TMEM117: variants seen among roughly 807,000 people sequenced by gnomAD.
TMEM117 encodes transmembrane protein 117.
TMEM117 carries 27 observed loss-of-function variants against 52.4 expected under a neutral mutation model. The ratio of observed to expected loss-of-function variants is 0.51; its 90% CI spans 0.38 to 0.71. TMEM117 has a LOEUF of 0.71. Ranked by LOEUF, TMEM117 falls within the 30% of genes least tolerant of loss-of-function variation. The pLI is 0.00. For synonymous variants in TMEM117, 215 were observed against 206.3 expected, an observed-to-expected ratio of 1.04 and a Z score of -0.36; for missense variants, 556 against 630.5, an observed-to-expected ratio of 0.88 and a Z score of 1.26.
At chr12:44,077,877 A>G (rs1947406969) in intron 3 of TMEM117, among the ~76,000 whole-genome samples, 1 of 152,116 alleles carries the variant, frequency 6.6e-6, no homozygotes, top group South Asian at 2.1e-4. Flanking sequence ...TTTCTTATTT[A>G]TAGAAAATAT....
At chr12:44,326,257 T>C (rs575794217) in intron 6 of TMEM117, among the ~76,000 whole-genome samples, 1 of 152,338 alleles carries the variant, frequency 6.6e-6, no homozygotes, top group South Asian at 2.1e-4. Flanking sequence ...CCCAAATATG[T>C]TATTAATGCA....
chr12:44,230,657 C>T (rs1949920544), intron 5 of TMEM117, among the ~76,000 whole-genome samples: 1 of 151,942 alleles, frequency 6.6e-6, no homozygotes, highest in Admixed American at 6.6e-5. Flanking sequence ...TATTTTGGTA[C>T]TTCCCTATTT....
intron 5 of TMEM117, among the ~76,000 whole-genome samples, chr12:44,265,701 G>A (rs1950369710): frequency 6.6e-6 from 1 of 152,022 alleles, no homozygotes; most frequent in African/African-American, 2.4e-5. Context: ...CTCTGATTCT[G>A]AAACATTTTC....
intron 3 of TMEM117, among the ~76,000 whole-genome samples, chr12:44,117,390 G>A (rs998104951): frequency 6.6e-6 from 1 of 151,624 alleles, no homozygotes; most frequent in African/African-American, 2.4e-5. Flanking sequence ...TGTTGCAGTT[G>A]TCCTCTTTGA....
chr12:44,006,291 T>A (rs890844621), intron 3 of TMEM117, among the ~76,000 whole-genome samples: 1 of 152,334 alleles, frequency 6.6e-6, no homozygotes, highest in South Asian at 2.1e-4. Flanking sequence ...AAGGGAGATA[T>A]GAAGTGCTTG....
chr12:43,869,945 C>T (rs1943675037), intron 2 of TMEM117, among the ~76,000 whole-genome samples: 1 of 152,108 alleles, frequency 6.6e-6, no homozygotes, highest in African/African-American at 2.4e-5. Context: ...CTACAGGCCC[C>T]AGTGTGTGTT....
chr12:44,128,948 C>T (rs112929995), intron 3 of TMEM117, among the ~76,000 whole-genome samples: 8 of 152,136 alleles, frequency 5.3e-5, no homozygotes, highest in Non-Finnish European at 1.0e-4. Context: ...GATGCTTTGC[C>T]CAGTCCTATG....
intron 5 of TMEM117, chr12:44,248,791 C>G (rs1478157907): frequency 5.8e-6 from 1 of 172,542 alleles, no homozygotes; most frequent in Non-Finnish European, 1.3e-5. Flanking sequence ...TTGATGACTG[C>G]CATATCTTTG....
intron 2 of TMEM117, among the ~76,000 whole-genome samples, chr12:43,916,288 C>A (rs1259041947): frequency 6.6e-6 from 1 of 152,016 alleles, no homozygotes; most frequent in African/African-American, 2.4e-5. Flanking sequence ...AATTATTAAA[C>A]TAAAACAAGA....
At chr12:43,872,618 G>A (rs117058631) in intron 2 of TMEM117, among the ~76,000 whole-genome samples, 1,739 of 152,216 alleles carry the variant, frequency 0.011, 14 homozygotes, top group Non-Finnish European at 0.018. Context: ...ATGACATATT[G>A]TACAGGAAGA....
At chr12:44,371,989 A>G (rs185240343) in intron 6 of TMEM117, among the ~76,000 whole-genome samples, 11 of 152,368 alleles carry the variant, frequency 7.2e-5, no homozygotes, top group Admixed American at 3.9e-4. Flanking sequence ...TTTGTCATAT[A>G]TGAAGCAAGA....
chr12:44,041,002 A>G (rs1158937308), intron 3 of TMEM117, among the ~76,000 whole-genome samples: 2 of 152,226 alleles, frequency 1.3e-5, no homozygotes, highest in African/African-American at 2.4e-5. Context: ...AAATAAGCAC[A>G]TGGAAAAAAG....
chr12:44,363,394 G>C (rs17094534), intron 6 of TMEM117, among the ~76,000 whole-genome samples: 2,490 of 150,658 alleles, frequency 0.017, 85 homozygotes, highest in African/African-American at 0.058. Flanking sequence ...CTAGAAGGGT[G>C]GCAAGCAAAA....
At chr12:43,841,844 A>G (rs1943120822) in intron 1 of TMEM117, among the ~76,000 whole-genome samples, 2 of 152,138 alleles carry the variant, frequency 1.3e-5, no homozygotes, top group South Asian at 4.2e-4. Context: ...AGGAATGATA[A>G]TAATGGTATT....
chr12:44,214,722 A>T (rs575644025), intron 5 of TMEM117, among the ~76,000 whole-genome samples: 10 of 152,318 alleles, frequency 6.6e-5, no homozygotes, highest in Middle Eastern at 3.4e-3. Flanking sequence ...TGCATAAAGT[A>T]ACTGAAGAAC....
chr12:43,932,336 G>GT (rs34671916), intron 2 of TMEM117, among the ~76,000 whole-genome samples: 1,552 of 129,394 alleles, frequency 0.012, 8 homozygotes, highest in Non-Finnish European at 0.017. Flanking sequence ...CATTAAATAA[G>GT]TTTTTTTTTT....
chr12:44,381,730 G>A (rs1952023713), intron 7 of TMEM117, among the ~76,000 whole-genome samples: 1 of 152,150 alleles, frequency 6.6e-6, no homozygotes, highest in Non-Finnish European at 1.5e-5. Flanking sequence ...TTACAATGGT[G>A]AGAATGTGGA....
chr12:44,311,749 GTATATATGTATA>G (rs1284774779), intron 6 of TMEM117, among the ~76,000 whole-genome samples: 4 of 121,644 alleles, frequency 3.3e-5, no homozygotes, highest in African/African-American at 7.5e-5. Context: ...GTATATATGT[GTATATATGTATA>G]TATATATGTA....
intron 5 of TMEM117, among the ~76,000 whole-genome samples, chr12:44,290,416 T>C (rs909489935): frequency 2.0e-5 from 3 of 152,192 alleles, no homozygotes; most frequent in African/African-American, 7.2e-5. Flanking sequence ...AGGTGTCTAA[T>C]TTCTTTCTTT....
Sources: gnomAD v4.1 joint callset for allele counts (sites outside exome capture counted in the v4.1 genomes callset) on GRCh38, gnomAD v4.1.1 for gene constraint, MANE v1.5 for transcripts, NCBI Gene and HGNC (gene_info 2026-07-23, HGNC 2026-07-21) for gene names.